Variants in EDAR observed in about 807,000 individuals in gnomAD.
EDAR encodes the protein ectodysplasin A receptor.
In EDAR, 38 loss-of-function variants were observed where a neutral mutation model predicts 51.3. That is an observed-to-expected ratio of 0.74 (90% confidence interval 0.57 to 0.97). The LOEUF (loss-of-function observed/expected upper bound fraction) is 0.97, where lower values mean the gene tolerates loss of function less well. Among genes scored for constraint, EDAR ranks in the 50% least tolerant of loss-of-function variants. The probability of loss-of-function intolerance (pLI) is 0.00; values close to 1 mark genes in which losing one functional copy is unlikely to be tolerated. For synonymous variants in EDAR, 227 were observed against 242.1 expected, an observed-to-expected ratio of 0.94 and a Z score of 0.58; for missense variants, 528 against 595.0, an observed-to-expected ratio of 0.89 and a Z score of 1.17.
At chr2:108,935,590 CCTCTTT>C (rs1697451278) in intron 1 of EDAR, among the ~76,000 whole-genome samples, 1 of 152,098 alleles carries the variant, frequency 6.6e-6, no homozygotes, top group African/African-American at 2.4e-5. Context: ...TGGGTCTCTC[CCTCTTT>C]AAGTTCTGGC....
intron 2 of EDAR, 96 bp from the exon 3 acceptor site, chr2:108,930,338 T>A: frequency 6.8e-7 from 1 of 1,462,658 alleles, no homozygotes. Flanking sequence ...GGGGGTGCCC[T>A]GCGGTGGGGG....
intron 1 of EDAR, among the ~76,000 whole-genome samples, chr2:108,974,329 C>CAAAA (rs11346592): frequency 2.6e-3 from 158 of 61,440 alleles, no homozygotes; most frequent in East Asian, 6.9e-3. Context: ...GGATCCGTCT[C>CAAAA]AAAAAAAAAA....
At chr2:108,939,618 G>A (rs6542785) in intron 1 of EDAR, among the ~76,000 whole-genome samples, 107,006 of 152,056 alleles carry the variant, frequency 0.7, 40,003 homozygotes, top group Non-Finnish European at 0.83. Context: ...CCGTTAGGAA[G>A]TGCAGTCACA....
chr2:108,948,313 C>T (rs1241696321), intron 1 of EDAR, among the ~76,000 whole-genome samples: 4 of 152,242 alleles, frequency 2.6e-5, no homozygotes, highest in Admixed American at 6.5e-5. Flanking sequence ...AAGTTCCAAA[C>T]GTTCCCATGT....
At chr2:108,945,674 C>G (rs1246922523) in intron 1 of EDAR, among the ~76,000 whole-genome samples, 1 of 152,122 alleles carries the variant, frequency 6.6e-6, no homozygotes, top group Non-Finnish European at 1.5e-5. Flanking sequence ...CCATGGATCC[C>G]AAATGGATAA....
chr2:108,918,612 C>T (rs1477820202), intron 5 of EDAR, among the ~76,000 whole-genome samples: 1 of 152,198 alleles, frequency 6.6e-6, no homozygotes, highest in Non-Finnish European at 1.5e-5. Flanking sequence ...CTGCCTACCT[C>T]GCGTGGAGTT....
rs527712891 is a variant in EDAR, at chr2:108,924,742, C to T, written c.357-1289G>A. On this transcript the variant is annotated intron_variant, in intron 4 of 11. Transcript: ENST00000258443. ...GTGTATCTTGTAAACATTAATTAAC[C>T]AATCTCAAAACACCTCCCAGAGAAG... Among the ~76,000 whole-genome samples, 13 of 152,264 alleles carry T rather than the reference C, an allele frequency of 8.5e-5. No individual in the cohort carries two copies. The East Asian group carries it at 2.5e-3, about 29-fold the overall frequency.
intron 1 of EDAR, among the ~76,000 whole-genome samples, chr2:108,964,932 T>C (rs1227702822): frequency 6.6e-6 from 1 of 152,226 alleles, no homozygotes; most frequent in Non-Finnish European, 1.5e-5. Flanking sequence ...TCATTCTAAT[T>C]AAATCCTATA....
At chr2:108,981,747 C>T (rs149404027) in intron 1 of EDAR, among the ~76,000 whole-genome samples, 94 of 152,274 alleles carry the variant, frequency 6.2e-4, no homozygotes, top group African/African-American at 1.8e-3. Flanking sequence ...CCCATGGAAA[C>T]GACAGCAAGG....
At chr2:108,937,891 G>A (rs532885485) in intron 1 of EDAR, among the ~76,000 whole-genome samples, 2 of 152,324 alleles carry the variant, frequency 1.3e-5, no homozygotes, top group East Asian at 1.9e-4. Flanking sequence ...CCCAAAAGAC[G>A]TGGACAGAGG....
chr2:108,983,948 G>A (rs1698457258), intron 1 of EDAR, among the ~76,000 whole-genome samples: 1 of 152,238 alleles, frequency 6.6e-6, no homozygotes. Context: ...GCTGGCCAGT[G>A]GCTCTGCGAC....
intron 5 of EDAR, among the ~76,000 whole-genome samples, chr2:108,921,292 G>A (rs976172527): frequency 6.6e-6 from 1 of 152,182 alleles, no homozygotes; most frequent in Non-Finnish European, 1.5e-5. Flanking sequence ...TGTCTCCCCT[G>A]CAGCTGCGAC....
chr2:108,947,111 A>C (rs565152932), intron 1 of EDAR, among the ~76,000 whole-genome samples: 1 of 152,352 alleles, frequency 6.6e-6, no homozygotes, highest in African/African-American at 2.4e-5. Context: ...AAATTGGCCA[A>C]AACAAAGGGG....
intron 11 of EDAR, among the ~76,000 whole-genome samples, chr2:108,902,026 T>C (rs1038539312): frequency 6.6e-6 from 1 of 151,156 alleles, no homozygotes; most frequent in African/African-American, 2.4e-5. Flanking sequence ...GACCACAAGG[T>C]CAGGAGTTCA....
intron 1 of EDAR, among the ~76,000 whole-genome samples, chr2:108,965,492 C>A (rs543085431): frequency 9.9e-5 from 15 of 151,234 alleles, no homozygotes; most frequent in African/African-American, 3.4e-4. Context: ...TAATAAATGA[C>A]CCAGTTGTTC....
chr2:108,979,317 C>T (rs1698380627), intron 1 of EDAR, among the ~76,000 whole-genome samples: 1 of 152,136 alleles, frequency 6.6e-6, no homozygotes, highest in Admixed American at 6.6e-5. Flanking sequence ...ATTTGGCGAA[C>T]CTCACTCCTC....
intron 9 of EDAR, among the ~76,000 whole-genome samples, chr2:108,908,354 T>C (rs1007439385): frequency 2.0e-5 from 3 of 152,184 alleles, no homozygotes; most frequent in Non-Finnish European, 2.9e-5. Context: ...TGAAGGTTCA[T>C]TGAATATGTC....
chr2:108,935,176 T>C (rs908578953), intron 1 of EDAR, among the ~76,000 whole-genome samples: 1 of 152,154 alleles, frequency 6.6e-6, no homozygotes, highest in Non-Finnish European at 1.5e-5. Flanking sequence ...CCCGACCTGC[T>C]CTCTCTTCCT....
At chr2:108,929,076 G>A in intron 4 of EDAR, 122 bp downstream of exon 4, 1 of 1,157,614 alleles carries the variant, frequency 8.6e-7, no homozygotes, top group East Asian at 2.5e-5. Flanking sequence ...ACCAAGGCCA[G>A]GTGTGCGGCT....
Sources: allele counts gnomAD v4.1 joint callset (sites outside exome capture counted in the v4.1 genomes callset), GRCh38; gene constraint gnomAD v4.1.1; transcripts MANE v1.5; gene names NCBI Gene and HGNC (gene_info 2026-07-23, HGNC 2026-07-21).